Variants in STRN4 observed in about 807,000 individuals in gnomAD.
STRN4 encodes the protein striatin-4.
Under a neutral mutation model 77.9 loss-of-function variants are expected in STRN4, and 27 were observed. The ratio of observed to expected loss-of-function variants is 0.35; its 90% CI spans 0.26 to 0.48. The LOEUF is 0.48. Among genes scored for constraint, STRN4 ranks in the 20% least tolerant of loss-of-function variants. The pLI, the probability that STRN4 is intolerant of heterozygous loss-of-function variation, is 0.99. For synonymous variants in STRN4, 466 were observed against 443.1 expected (o/e 1.05, Z -0.65); for missense variants, 798 against 1,049.7 (o/e 0.76, Z 3.31).
At position 46,727,879 on chromosome 19, in the gene STRN4, G is replaced by GACC; in HGVS notation, c.1153+14_1153+15insGGT. 1 of 1,582,562 alleles carries GACC rather than the reference G, an allele frequency of 6.3e-7. No individual in the cohort carries two copies. The highest frequency in any genetic ancestry group is 1.7e-4 in the Middle Eastern group (1 of 5,884). On this transcript the variant is annotated intron_variant, in intron 8 of 17. Coordinates refer to ENST00000263280, the MANE Select transcript of STRN4 (RefSeq NM_013403.3). ...GGGCCCGCAGGACTGGGACCAGGTG[G>GACC]GGGGTGCCTCTTACCTTCATGTGGC...
At position 46,725,511 on chromosome 19, in the gene STRN4, G is replaced by T; in HGVS notation, c.1386C>A (p.Leu462=). ...CCGCCTTCTGCAGGTTCCAGAGCTT[G>T]AGCGTGCCGTCCTCGGAGGCGGTGA... The part of the protein sequence containing the change: ...ALLTASEDGT[L]KLWNLQKAVT... Residue 462 remains leucine (L), a synonymous_variant, in exon 10 of 18, where the codon CTC becomes CTA. Coordinates refer to ENST00000263280, the MANE Select transcript of STRN4 (RefSeq NM_013403.3). 1.2e-6 allele frequency: 2 copies of T among 1,614,186 alleles called. No individual in the cohort carries two copies. The highest frequency in any genetic ancestry group is 1.7e-6 in the Non-Finnish European group (2 of 1,180,030).
chr19:46,726,486 A>AG (rs1423776380), intron 9 of STRN4, among the ~76,000 whole-genome samples: 1 of 148,836 alleles, frequency 6.7e-6, no homozygotes, highest in Non-Finnish European at 1.5e-5. Flanking sequence ...CAAGGAGCAA[A>AG]AAAAAAAAAA....
In STRN4 at chr19:46,722,591, C is replaced by T. The variant is rs556082523; in HGVS notation, c.1906+219G>A. On this transcript the variant is annotated intron_variant, in intron 14 of 17. Transcript: ENST00000263280. ...CCGCCACTCTACCAAGAGGGCCCGA[C>T]GGGGCGGCCCTGACGCGCTCTCCCC... Among the ~76,000 whole-genome samples the T allele has an allele frequency of 2.2e-4, 34 of 152,330 alleles. No individual in the cohort carries two copies. In the South Asian group the frequency reaches 5.6e-3, roughly 25 times the overall value.
At chr19:46,735,549 T>C (rs536892444) in intron 4 of STRN4, among the ~76,000 whole-genome samples, 1 of 152,240 alleles carries the variant, frequency 6.6e-6, no homozygotes, top group East Asian at 1.9e-4. Context: ...AGACCATATA[T>C]GGCAAAATGT....
Position 46,741,737 on chromosome 19 carries a change from G to A in STRN4, c.283-2849C>T, listed in dbSNP as rs1240353597. Among the ~76,000 whole-genome samples the A allele has an allele frequency of 6.6e-6, 1 of 152,200 alleles. No individual in the cohort carries two copies. The highest frequency in any genetic ancestry group is 1.5e-5 in the Non-Finnish European group (1 of 68,026). On this transcript the variant is annotated intron_variant, in intron 1 of 17. Coordinates refer to ENST00000263280, the MANE Select transcript of STRN4 (RefSeq NM_013403.3). This position sits in a 1 kb window ranked among gnomAD's most constrained non-coding sequence, Gnocchi z 4.9. The stretch of plus-strand genomic sequence containing the variant: ...TATTCCCAGCAAGGCGACATCTAAA[G>A]GCTTCGGAGGAGTCCCAGCAATTCA...
chr19:46,743,918 AAAAT>A (rs201868012), intron 1 of STRN4, among the ~76,000 whole-genome samples: 38 of 151,790 alleles, frequency 2.5e-4, no homozygotes, highest in African/African-American at 4.4e-4. Context: ...AATAAAAATA[AAAAT>A]AAATAAATAA....
At chr19:46,726,650 G>A (rs554336848) in intron 9 of STRN4, among the ~76,000 whole-genome samples, 5 of 152,118 alleles carry the variant, frequency 3.3e-5, no homozygotes, top group Non-Finnish European at 7.4e-5. Context: ...CCCTGGTGCC[G>A]CTCACCCAGC....
At chr19:46,722,108 C>T (rs2053991358) in intron 15 of STRN4, 36 bp from the exon 16 acceptor site, 2 of 1,610,912 alleles carry the variant, frequency 1.2e-6, no homozygotes, top group East Asian at 4.5e-5. Flanking sequence ...GTTCCCCTCC[C>T]ACTCTGGGCC....
In STRN4 at chr19:46,738,108, G is replaced by T; in HGVS notation, c.460+56C>A. 1 of 1,555,668 alleles carries T rather than the reference G, an allele frequency of 6.4e-7. No homozygotes were observed. The highest frequency in any genetic ancestry group is 8.9e-7 in the Non-Finnish European group (1 of 1,126,804). ...GGCACCCCATCTTCCTGCTTCTCCA[G>T]AACACTCAGCTTCTGCGGGAGGGTG... On this transcript the variant is annotated intron_variant, in intron 3 of 17. Transcript: ENST00000263280. The surrounding 1 kb of genome is among the most constrained non-coding windows in gnomAD (Gnocchi z 4.5).
At chr19:46,739,231 G>T (rs916331971) in intron 1 of STRN4, 6 of 345,102 alleles carry the variant, frequency 1.7e-5, no homozygotes, top group African/African-American at 1.1e-4. Flanking sequence ...GGCATTCACC[G>T]CCCTGGACTA....
intron 1 of STRN4, chr19:46,745,895 C>A: frequency 2.7e-6 from 1 of 372,362 alleles, no homozygotes; most frequent in Non-Finnish European, 4.7e-6. Flanking sequence ...CTCGGCCGGT[C>A]CCGGTGATCC....
rs771298555 is a variant in STRN4 at position 46,746,313 on chromosome 19, C to A, written c.118G>T (p.Gly40Trp). Residue 40 changes from glycine (G) to tryptophan (W), a missense_variant, in exon 1 of 18, where the codon GGG (glycine) becomes TGG (tryptophan). Gly to Trp is a radical substitution (Grantham distance 184, BLOSUM62 -2). Coordinates refer to ENST00000263280, the MANE Select transcript of STRN4 (RefSeq NM_013403.3). The stretch of plus-strand genomic sequence containing the variant: ...CCTCCCTTACCTGCCGGGCCCGGCC[C>A]GGGGGCAGGGGCGGAGACCGGGGCC... The part of the protein sequence containing the change: ...GAAPVSAPAP[G>W]PGPAGKGGGG... 3 of 1,356,986 alleles carry A rather than the reference C, an allele frequency of 2.2e-6. No homozygotes were observed. The highest frequency in any genetic ancestry group is 7.2e-5 in the Admixed American group (2 of 27,816). The allele number at this position is 1,356,986 out of a possible 1,614,324, so 84.1% of individuals were successfully genotyped here. A position where few individuals can be genotyped will look rare whatever the true frequency, so the allele number is the denominator to read the frequency against.
chr19:46,728,924 CCCCCT>C, intron 6 of STRN4, 147 bp from the exon 7 acceptor site: 2 of 1,210,998 alleles, frequency 1.7e-6, no homozygotes, highest in Non-Finnish European at 1.1e-6. Flanking sequence ...CCCTGGAGCG[CCCCCT>C]GCTGGGCCTT....
In STRN4 at chr19:46,746,260, C is replaced by T. The variant is rs1212251735; in HGVS notation, c.171G>A (p.Thr57=). 5 of 1,490,266 alleles carry T rather than the reference C, an allele frequency of 3.4e-6. No homozygotes were observed. The highest frequency in any genetic ancestry group is 4.4e-6 in the Non-Finnish European group (5 of 1,126,930). 92.3% of individuals were successfully genotyped at this position (1,490,266 alleles called of 1,614,324 possible). The change falls in exon 1 of 18, where the codon ACG becomes ACA. Residue 57 remains threonine, a synonymous_variant. Transcript: ENST00000263280. The part of the protein sequence containing the change: ...GGGGGGSPGP[T]AGPEPLSLPG... ...GCAGGCTCAGGGGCTCCGGGCCCGCCGTGGGCCCGGGGCTGCCTCCGCCGC... is the reference window on the plus strand; with the variant it reads ...GCAGGCTCAGGGGCTCCGGGCCCGCTGTGGGCCCGGGGCTGCCTCCGCCGC...
At chr19:46,740,533 GGA>G (rs1223636982) in intron 1 of STRN4, among the ~76,000 whole-genome samples, 2 of 151,450 alleles carry the variant, frequency 1.3e-5, no homozygotes, top group Non-Finnish European at 2.9e-5. Flanking sequence ...GAAGGTGTGA[GGA>G]GAGGCAGACC....
intron 5 of STRN4, 60 bp downstream of exon 5, chr19:46,732,979 T>C: frequency 1.9e-6 from 3 of 1,556,856 alleles, no homozygotes; most frequent in Admixed American, 1.8e-5. Context: ...ACTCTGACCC[T>C]GGCCTTCACC....
chr19:46,738,770 A>G lies in STRN4; in HGVS notation c.386+15T>C. Reference sequence around the variant, plus strand: ...CGGACCCAGAAGGCAGGCCCAGGGCAGGATGAAGGCTCACCTTTCCTGCTT... The same window carrying G: ...CGGACCCAGAAGGCAGGCCCAGGGCGGGATGAAGGCTCACCTTTCCTGCTT... On this transcript the variant is annotated intron_variant, in intron 2 of 17. Transcript: ENST00000263280. The surrounding 1 kb of genome is among the most constrained non-coding windows in gnomAD (Gnocchi z 4.5). The G allele has an allele frequency of 6.2e-7, 1 of 1,613,802 alleles. No homozygotes were observed. Among genetic ancestry groups the G allele is most frequent in the South Asian group, 1.1e-5 (1 of 91,076 alleles).
chr19:46,738,198 G>A lies in STRN4; in HGVS notation c.426C>T (p.Asn142=), dbSNP rs1803492341. 6.2e-7 allele frequency: 1 copy of A among 1,614,142 alleles called. No individual in the cohort carries two copies. The highest frequency in any genetic ancestry group is 2.2e-5 in the East Asian group (1 of 44,882). Residue 142 remains asparagine (N), a synonymous_variant, in exon 3 of 18, where the codon AAC becomes AAT. Transcript: ENST00000263280. The surrounding 1 kb of genome is among the most constrained non-coding windows in gnomAD (Gnocchi z 4.5). ...ACACATCTGCTTTCTTCTCCCCCTGGTTCAGGTCTGTCCCAAACTTCAGTT... is the reference window on the plus strand; with the variant it reads ...ACACATCTGCTTTCTTCTCCCCCTGATTCAGGTCTGTCCCAAACTTCAGTT... ...YHKLKFGTDL[N]QGEKKADVSE...
At chr19:46,728,951 AC>A in intron 6 of STRN4, 174 bp from the exon 7 acceptor site, 1 of 888,082 alleles carries the variant, frequency 1.1e-6, no homozygotes, top group Non-Finnish European at 1.7e-6. Flanking sequence ...GACAGCTGCT[AC>A]CACTAGGGCC....
Sources: gnomAD v4.1 joint callset for allele counts (sites outside exome capture counted in the v4.1 genomes callset) on GRCh38, gnomAD v4.1.1 for gene constraint, Gnocchi (gnomAD v3.1) non-coding constraint, MANE v1.5 for transcripts, NCBI Gene and HGNC (gene_info 2026-07-23, HGNC 2026-07-21) for gene names.